Variants in IL34 observed in about 807,000 individuals in gnomAD.
IL34 encodes interleukin 34, also known as interleukin-34.
IL34 carries 17 observed loss-of-function variants against 25.3 expected under a neutral mutation model. That is an observed-to-expected ratio of 0.67 (90% CI 0.46 to 1.01). IL34 has a LOEUF of 1.01. Among genes scored for constraint, IL34 ranks in the 50% least tolerant of loss-of-function variants. The pLI, the probability that IL34 is intolerant of heterozygous loss-of-function variation, is 0.00. For missense variants in IL34, 368 were observed against 312.9 expected (o/e 1.18, Z -1.33); for synonymous variants, 174 against 140.9 (o/e 1.23, Z -1.66).
In IL34 at chr16:70,656,423, G is replaced by A. The variant is rs377500547; in HGVS notation, c.163-179G>A. Among the ~76,000 whole-genome samples, 15 of 152,294 alleles carry A rather than the reference G, an allele frequency of 9.8e-5. No homozygotes were observed. The South Asian group carries it at 2.9e-3, about 29-fold the overall frequency. On this transcript the variant is annotated intron_variant, in intron 2 of 5. Transcript: ENST00000288098. ...AGTCCCACCTACTTGGGAGGCTGAG[G>A]TGGAAGGATTGCTTGAGCCTGGGAG...
chr16:70,645,490 C>T (rs554228520), upstream of IL34, among the ~76,000 whole-genome samples: 12 of 152,170 alleles, frequency 7.9e-5, no homozygotes, highest in Non-Finnish European at 1.8e-4. Context: ...GACGGAATTC[C>T]AGCCTGATCT....
At chr16:70,616,453 T>C (rs1361252208) in intron 1 of IL34, among the ~76,000 whole-genome samples, 1 of 152,208 alleles carries the variant, frequency 6.6e-6, no homozygotes, top group Non-Finnish European at 1.5e-5. Context: ...TAATTTATAA[T>C]GTGTTTAAGG....
At chr16:70,619,177 G>A (rs899872578) in intron 1 of IL34, among the ~76,000 whole-genome samples, 1 of 152,126 alleles carries the variant, frequency 6.6e-6, no homozygotes, top group African/African-American at 2.4e-5. Context: ...GTGATAACAG[G>A]CTTTAATCTT....
chr16:70,646,816 C>A lies in IL34; in HGVS notation c.-132C>A. Reference sequence around the variant, plus strand: ...GCTCACTCCCGCAGCCCAGCCACTCCTCCAGGGCCAGCCCTTCCCTGACTG... The same window carrying A: ...GCTCACTCCCGCAGCCCAGCCACTCATCCAGGGCCAGCCCTTCCCTGACTG... On this transcript the variant is annotated 5_prime_UTR_variant, in exon 1 of 6. Transcript: ENST00000288098. 2.3e-6 allele frequency: 2 copies of A among 866,454 alleles called. No homozygotes were observed. Among genetic ancestry groups the A allele is most frequent in the Non-Finnish European group, 3.4e-6 (2 of 595,500 alleles). The allele number at this position is 866,454 out of a possible 1,614,324, so 53.7% of individuals were successfully genotyped here.
chr16:70,640,716 G>A (rs1468492490), intron 1 of IL34, among the ~76,000 whole-genome samples: 3 of 151,744 alleles, frequency 2.0e-5, no homozygotes, highest in Non-Finnish European at 2.9e-5. Flanking sequence ...TATAGTTGAT[G>A]TATGGTAAAG....
At chr16:70,619,144 A>C (rs974420334) in intron 1 of IL34, among the ~76,000 whole-genome samples, 1 of 152,168 alleles carries the variant, frequency 6.6e-6, no homozygotes, top group Non-Finnish European at 1.5e-5. Context: ...ATAGGCTTTA[A>C]AAGGCCATGC....
In IL34 at chr16:70,596,463, G is replaced by A. The variant is rs187502243; in HGVS notation, c.-401+16414G>A. Among the ~76,000 whole-genome samples the A allele has an allele frequency of 3.3e-4, 50 of 152,326 alleles. 1 individual carries two copies. The East Asian group carries it at 9.3e-3, about 28-fold the overall frequency. ...GGGAGCGTGAGTTGCTGCAAAGCAG[G>A]CATCTGAGTGGCAGATCTGGGCCAA... On this transcript the variant is annotated intron_variant, in intron 1 of 6. Transcript: ENST00000429149.
chr16:70,639,352 C>A (rs1362044483), intron 1 of IL34, among the ~76,000 whole-genome samples: 2 of 152,136 alleles, frequency 1.3e-5, no homozygotes, highest in African/African-American at 4.8e-5. Context: ...CAGGCAGAGG[C>A]CAGAAATAGG....
At chr16:70,636,622 CACACACAA>C (rs1171294362) in intron 1 of IL34, among the ~76,000 whole-genome samples, 3 of 140,150 alleles carry the variant, frequency 2.1e-5, no homozygotes, top group Admixed American at 1.4e-4. Flanking sequence ...CACACACACA[CACACACAA>C]AATTAGCTGG....
At chr16:70,609,825 C>G (rs950927782) in intron 1 of IL34, among the ~76,000 whole-genome samples, 4 of 152,182 alleles carry the variant, frequency 2.6e-5, no homozygotes, top group Non-Finnish European at 5.9e-5. Context: ...TTGCAGGTGC[C>G]AGTGGGGAGA....
chr16:70,660,547 C>A lies in IL34; in HGVS notation c.*360C>A. 1 of 211,126 alleles carries A rather than the reference C, an allele frequency of 4.7e-6. No individual in the cohort carries two copies. The highest frequency in any genetic ancestry group is 9.4e-6 in the Non-Finnish European group (1 of 106,798). 13.1% of individuals were successfully genotyped at this position (211,126 alleles called of 1,614,324 possible). On this transcript the variant is annotated 3_prime_UTR_variant, in exon 6 of 6. Transcript: ENST00000288098. ...TGGGTTGCAGGGGAGACAGCCAGCA[C>A]GGCGTGGCCATTCTATGACCCCCCA...
At chr16:70,605,850 T>C (rs1161009383) in intron 1 of IL34, among the ~76,000 whole-genome samples, 1 of 152,004 alleles carries the variant, frequency 6.6e-6, no homozygotes, top group Non-Finnish European at 1.5e-5. Flanking sequence ...TTTTGTGTTT[T>C]TAGTAGAGAC....
rs772292258 is a variant in IL34, at chr16:70,660,010, C to T, written c.552C>T (p.Ser184=). Residue 184 remains serine (S), a synonymous_variant, in exon 6 of 6, where the codon TCC becomes TCT. Coordinates refer to ENST00000288098, the MANE Select transcript of IL34 (RefSeq NM_001393494.1). ...TATCTCTTGCAGGTAAACAAAGCTC[C>T]GTCCTAAACTGGCAGGACTGTGAGG... ...LLYCSCCKQS[S]VLNWQDCEVP... 1.2e-5 allele frequency: 19 copies of T among 1,587,800 alleles called. No homozygotes were observed. Among genetic ancestry groups the T allele is most frequent in the African/African-American group, 5.5e-5 (4 of 73,248 alleles).
At chr16:70,635,497 C>A (rs1336589827) in intron 1 of IL34, among the ~76,000 whole-genome samples, 2 of 152,184 alleles carry the variant, frequency 1.3e-5, no homozygotes, top group Non-Finnish European at 2.9e-5. Flanking sequence ...GCTCTTGAGT[C>A]CCCTTGCTAG....
rs1232750834 is a variant in IL34 at position 70,656,624 on chromosome 16, A to G, written c.185A>G (p.Tyr62Cys). ...CAGAAACACTACTTCCCCATCAACT[A>G]CAAGATCAGTGTGCCTTACGAGGGG... is the stretch of plus-strand genomic sequence containing the variant. ...QYMKHYFPIN[Y>C]KISVPYEGVF... The change falls in exon 3 of 6, where the codon TAC becomes TGC. Residue 62 changes from tyrosine to cysteine, a missense_variant. Coordinates refer to ENST00000288098, the MANE Select transcript of IL34 (RefSeq NM_001393494.1). 1.4e-6 allele frequency: 2 copies of G among 1,427,722 alleles called. No homozygotes were observed. The highest frequency in any genetic ancestry group is 1.4e-5 in the African/African-American group (1 of 71,264). 88.4% of individuals were successfully genotyped at this position (1,427,722 alleles called of 1,614,324 possible).
Position 70,627,308 on chromosome 16 carries a change from C to T in IL34, c.-400-19240C>T, listed in dbSNP as rs142505136. On this transcript the variant is annotated intron_variant, in intron 1 of 6. Coordinates refer to the IL34 transcript ENST00000429149. ...GCAAAGTAAATAAATTGGAAGTATACAGCTTGATGAGCTATCACAAAGTGA... is the reference window on the plus strand; with the variant it reads ...GCAAAGTAAATAAATTGGAAGTATATAGCTTGATGAGCTATCACAAAGTGA... Among the ~76,000 whole-genome samples the T allele has an allele frequency of 4.5e-3, 685 of 152,182 alleles. 4 individuals are homozygous for T. Among genetic ancestry groups the T allele is most frequent in the African/African-American group, 0.016 (661 of 41,502 alleles).
chr16:70,605,803 C>T lies in IL34; in HGVS notation c.-401+25754C>T, dbSNP rs550086601. On this transcript the variant is annotated intron_variant, in intron 1 of 6. Coordinates refer to the IL34 transcript ENST00000429149. ...TTCCTGCCTCAGCCTCCTGAGTAGC[C>T]GGGATTACAGGTGCCCGTCACCACG... 6.7e-4 allele frequency among the ~76,000 whole-genome samples: 101 copies of T among 151,656 alleles called. 1 individual carries two copies. Among genetic ancestry groups the T allele is most frequent in the Non-Finnish European group, 1.2e-3 (80 of 67,900 alleles).
chr16:70,642,576 G>A (rs2051811854), upstream of IL34, among the ~76,000 whole-genome samples: 2 of 152,096 alleles, frequency 1.3e-5, no homozygotes, highest in Admixed American at 1.3e-4. Context: ...GATTACAGGC[G>A]TGAGCCACTG....
At position 70,627,934 on chromosome 16, in the gene IL34, A is replaced by C. The variant is rs115030736; in HGVS notation, c.-400-18614A>C. On this transcript the variant is annotated intron_variant, in intron 1 of 6. Transcript: ENST00000429149. ...TGGCTTTTGGTGCCCATGTATACAGATTTCTGTTGGATATTTACTTACGAA... is the reference window on the plus strand; with the variant it reads ...TGGCTTTTGGTGCCCATGTATACAGCTTTCTGTTGGATATTTACTTACGAA... Among the ~76,000 whole-genome samples, 738 of 152,276 alleles carry C rather than the reference A, an allele frequency of 4.8e-3. 5 individuals are homozygous for C. The highest frequency in any genetic ancestry group is 0.016 in the African/African-American group (672 of 41,556).
Sources: gnomAD v4.1 joint callset for allele counts (sites outside exome capture counted in the v4.1 genomes callset) on GRCh38, gnomAD v4.1.1 for gene constraint, MANE v1.5 for transcripts, NCBI Gene and HGNC (gene_info 2026-07-23, HGNC 2026-07-21) for gene names.